The following LYPD6B variants were observed in gnomAD, a reference collection of about 807,000 sequenced individuals.
LYPD6B encodes ly6/PLAUR domain-containing protein 6B.
LYPD6B carries 17 observed loss-of-function variants against 22.8 expected under a neutral mutation model. The ratio of observed to expected loss-of-function variants is 0.75; its 90% CI spans 0.51 to 1.12. The LOEUF (loss-of-function observed/expected upper bound fraction) is 1.12, where lower values mean the gene tolerates loss of function less well. LYPD6B is among the 50% of genes most tolerant of loss of function. The probability of loss-of-function intolerance (pLI) is 0.00; values close to 1 mark genes in which losing one functional copy is unlikely to be tolerated. For synonymous variants in LYPD6B, 106 were observed against 91.6 expected (o/e 1.16, Z -0.90); for missense variants, 221 against 258.3 (o/e 0.86, Z 0.99).
At chr2:149,147,381 T>C (rs1689091673) in intron 2 of LYPD6B, among the ~76,000 whole-genome samples, 1 of 152,228 alleles carries the variant, frequency 6.6e-6, no homozygotes, top group Non-Finnish European at 1.5e-5. Context: ...TTCTGCCTCT[T>C]GAAAAGCTTT....
At chr2:149,164,641 G>T (rs1176747123) in intron 3 of LYPD6B, among the ~76,000 whole-genome samples, 1 of 152,148 alleles carries the variant, frequency 6.6e-6, no homozygotes, top group Non-Finnish European at 1.5e-5. Flanking sequence ...CCTCTACAAG[G>T]ATCTAACTTG....
At chr2:149,073,273 A>G (rs928486004) in intron 1 of LYPD6B, among the ~76,000 whole-genome samples, 13 of 152,146 alleles carry the variant, frequency 8.5e-5, no homozygotes, top group Non-Finnish European at 1.8e-4. Flanking sequence ...CCCATTGCTG[A>G]TGTGGGCAGA....
chr2:149,186,736 C>T (rs1692132726), intron 3 of LYPD6B, among the ~76,000 whole-genome samples: 1 of 152,110 alleles, frequency 6.6e-6, no homozygotes. Context: ...TCCTGAGTAG[C>T]TAGGATTTAG....
chr2:149,103,349 G>C (rs1258701741), intron 1 of LYPD6B, among the ~76,000 whole-genome samples: 2 of 152,156 alleles, frequency 1.3e-5, no homozygotes, highest in African/African-American at 4.8e-5. Flanking sequence ...CTATTTCACA[G>C]AACATTAAGC....
At chr2:149,130,380 T>C (rs1302457798) in intron 1 of LYPD6B, among the ~76,000 whole-genome samples, 1 of 152,162 alleles carries the variant, frequency 6.6e-6, no homozygotes, top group African/African-American at 2.4e-5. Context: ...AGCCATATCA[T>C]AATGAGTCTT....
intron 1 of LYPD6B, among the ~76,000 whole-genome samples, chr2:149,093,358 G>A (rs544870704): frequency 1.5e-4 from 23 of 152,244 alleles, no homozygotes; most frequent in Admixed American, 1.4e-3. Flanking sequence ...AGCCAGGGCA[G>A]GAATAGGCCC....
At chr2:149,181,071 C>A (rs575652415) in intron 3 of LYPD6B, among the ~76,000 whole-genome samples, 7 of 152,200 alleles carry the variant, frequency 4.6e-5, no homozygotes, top group South Asian at 4.1e-4. Context: ...TTTATAAAAT[C>A]AAATCTATTC....
At chr2:149,153,053 A>G (rs892513156) in intron 2 of LYPD6B, among the ~76,000 whole-genome samples, 4 of 152,224 alleles carry the variant, frequency 2.6e-5, no homozygotes, top group African/African-American at 9.7e-5. Flanking sequence ...TCTGTCAAGC[A>G]TGCTGTTAAA....
At chr2:149,160,936 T>C (rs1285688098) in intron 3 of LYPD6B, 101 bp downstream of exon 3, 6 of 859,616 alleles carry the variant, frequency 7.0e-6, no homozygotes. Flanking sequence ...CCCTGTGTTT[T>C]TCCCATCTCC....
intron 1 of LYPD6B, chr2:149,118,394 T>G (rs898601749): frequency 6.6e-6 from 1 of 152,242 alleles, no homozygotes. Flanking sequence ...TACATTCTGT[T>G]AAGCAGAAAG....
At chr2:149,077,248 C>G (rs964890088) in intron 1 of LYPD6B, among the ~76,000 whole-genome samples, 3 of 152,162 alleles carry the variant, frequency 2.0e-5, no homozygotes, top group African/African-American at 7.2e-5. Flanking sequence ...ATGCCCAGAG[C>G]ACAGGCAGCC....
rs1465451815 is a variant in LYPD6B at position 149,214,442 on chromosome 2, T to C, written c.460-104T>C. 6.6e-6 allele frequency: 8 copies of C among 1,217,682 alleles called. No homozygotes were observed. The African/African-American group carries it at 9.0e-5, about 14-fold the overall frequency. The allele number at this position is 1,217,682 out of a possible 1,614,324, so 75.4% of individuals were successfully genotyped here. A position where few individuals can be genotyped will look rare whatever the true frequency, so the allele number is the denominator to read the frequency against. On this transcript the variant is annotated intron_variant, in intron 6 of 6. Coordinates refer to ENST00000409642, the MANE Select transcript of LYPD6B (RefSeq NM_177964.5). ...AATTGGATAACCAACTCCAATTGTC[T>C]GTCTTCAGATAGAGCTCAAGAAGCC...
chr2:149,066,273 T>C (rs1574903770), intron 1 of LYPD6B, among the ~76,000 whole-genome samples: 1 of 152,106 alleles, frequency 6.6e-6, no homozygotes, highest in East Asian at 1.9e-4. Context: ...GTGTGCTGCA[T>C]CCATTAACTT....
intron 3 of LYPD6B, among the ~76,000 whole-genome samples, chr2:149,183,197 A>G (rs1433230591): frequency 6.6e-6 from 1 of 152,212 alleles, no homozygotes; most frequent in Non-Finnish European, 1.5e-5. Flanking sequence ...GGAAGAAGTA[A>G]ACTTTGTTGG....
chr2:149,040,803 A>G (rs973084881), intron 1 of LYPD6B, among the ~76,000 whole-genome samples: 3 of 152,232 alleles, frequency 2.0e-5, no homozygotes, highest in African/African-American at 7.2e-5. Context: ...TCCATCAGTC[A>G]AGTCTTCATC....
intron 2 of LYPD6B, among the ~76,000 whole-genome samples, chr2:149,134,487 C>T (rs968108954): frequency 3.3e-5 from 5 of 152,130 alleles, no homozygotes; most frequent in Non-Finnish European, 7.3e-5. Flanking sequence ...AAAACTATTC[C>T]TTGGGGGATG....
At chr2:149,139,800 G>C (rs924437079) in intron 2 of LYPD6B, among the ~76,000 whole-genome samples, 5 of 152,158 alleles carry the variant, frequency 3.3e-5, no homozygotes, top group Admixed American at 2.6e-4. Flanking sequence ...GGCAGAGAGA[G>C]GCCCTTAAGT....
chr2:149,054,018 G>A (rs1228417347), intron 1 of LYPD6B, among the ~76,000 whole-genome samples: 1 of 152,148 alleles, frequency 6.6e-6, no homozygotes, highest in East Asian at 1.9e-4. Flanking sequence ...TGGACATTTG[G>A]GTGGTTTTCA....
At chr2:149,189,367 T>TATATATATATATAC (rs1290881582) in intron 3 of LYPD6B, among the ~76,000 whole-genome samples, 6 of 81,014 alleles carry the variant, frequency 7.4e-5, no homozygotes, top group African/African-American at 2.4e-4. Context: ...TATATATATA[T>TATATATATATATAC]ACACACACAT....
Sources: allele counts gnomAD v4.1 joint callset (sites outside exome capture counted in the v4.1 genomes callset), GRCh38; gene constraint gnomAD v4.1.1; transcripts MANE v1.5; gene names NCBI Gene and HGNC (gene_info 2026-07-23, HGNC 2026-07-21).